Variants in TRIM71 observed in about 807,000 individuals in gnomAD.
The protein encoded by TRIM71 is E3 ubiquitin-protein ligase TRIM71.
TRIM71 carries 9 observed loss-of-function variants against 61.2 expected under a neutral mutation model. The ratio of observed to expected loss-of-function variants is 0.15; its 90% CI spans 0.09 to 0.26. The LOEUF is 0.26. Ranked by LOEUF, TRIM71 falls within the 10% of genes least tolerant of loss-of-function variation. The probability of loss-of-function intolerance (pLI) is 1.00; values close to 1 mark genes in which losing one functional copy is unlikely to be tolerated. For missense variants in TRIM71, 998 were observed against 1,238.7 expected (o/e 0.81, Z 2.92); for synonymous variants, 645 against 553.2 (o/e 1.17, Z -2.33).
At chr3:32,832,572 TC>T (rs970313317) in intron 1 of TRIM71, among the ~76,000 whole-genome samples, 14 of 152,306 alleles carry the variant, frequency 9.2e-5, no homozygotes, top group African/African-American at 3.4e-4. Context: ...ACATAGGTGT[TC>T]CCAGTTACTC....
At position 32,896,882 on chromosome 3, in the gene TRIM71, A is replaced by C. The variant is rs1307139289; in HGVS notation, c.*5071A>C. On this transcript the variant is annotated 3_prime_UTR_variant, in exon 4 of 4. Transcript: ENST00000383763. ...TAAATAACCAGCTCTGTAACTCTGT[A>C]AGTTCTTTGTGTTTCTAGCAGTCTG... The C allele has an allele frequency of 6.6e-6, 1 of 152,184 alleles. No individual in the cohort carries two copies. Among genetic ancestry groups the C allele is most frequent in the Non-Finnish European group, 1.5e-5 (1 of 68,040 alleles). The allele number at this position is 152,184 out of a possible 1,614,324, so 9.4% of individuals were successfully genotyped here.
chr3:32,896,154 GTC>G lies in TRIM71; in HGVS notation c.*4347_*4348del, dbSNP rs909081386. ...CTTAACTACAAATAAAGACCTTTAG[GTC>G]TCTTTCTCTTCAAGAGAAAAATATT... On this transcript the variant is annotated 3_prime_UTR_variant, in exon 4 of 4. Coordinates refer to ENST00000383763, the MANE Select transcript of TRIM71 (RefSeq NM_001039111.3). 1.3e-5 allele frequency: 2 copies of G among 152,066 alleles called. No homozygotes were observed. Among genetic ancestry groups the G allele is most frequent in the Non-Finnish European group, 2.9e-5 (2 of 68,026 alleles). 9.4% of individuals were successfully genotyped at this position (152,066 alleles called of 1,614,324 possible).
chr3:32,851,812 C>G (rs1485214157), intron 1 of TRIM71, among the ~76,000 whole-genome samples: 1 of 152,150 alleles, frequency 6.6e-6, no homozygotes, highest in Non-Finnish European at 1.5e-5. Context: ...TGGGGCAGTT[C>G]TACTGTGTGA....
chr3:32,883,333 A>G (rs1273008884), intron 2 of TRIM71, among the ~76,000 whole-genome samples: 3 of 152,238 alleles, frequency 2.0e-5, no homozygotes, highest in Admixed American at 6.5e-5. Flanking sequence ...ACAATTTACC[A>G]TAAACTGGAT....
chr3:32,890,593 C>T lies in TRIM71; in HGVS notation c.1389C>T (p.Pro463=). ...PQEDDRVMFT[P]PDQALYLAIK... ...AAGACGACCGAGTCATGTTCACACC[C>T]CCCGATCAGGCACTGTACCTTGCCA... Residue 463 remains proline (P), a synonymous_variant, in exon 4 of 4, where the codon CCC becomes CCT. Coordinates refer to ENST00000383763, the MANE Select transcript of TRIM71 (RefSeq NM_001039111.3). The surrounding 1 kb of genome is among the most constrained non-coding windows in gnomAD (Gnocchi z 6.2). 1 of 1,614,004 alleles carries T rather than the reference C, an allele frequency of 6.2e-7. No homozygotes were observed. The highest frequency in any genetic ancestry group is 8.5e-7 in the Non-Finnish European group (1 of 1,180,034).
intron 1 of TRIM71, among the ~76,000 whole-genome samples, chr3:32,832,903 G>A (rs1025276723): frequency 5.9e-5 from 9 of 151,966 alleles, no homozygotes; most frequent in African/African-American, 1.9e-4. Flanking sequence ...GGCTGGGCGC[G>A]GTGGCTCACG....
chr3:32,826,825 C>T (rs1420478824), intron 1 of TRIM71, among the ~76,000 whole-genome samples: 3 of 151,762 alleles, frequency 2.0e-5, no homozygotes, highest in African/African-American at 2.4e-5. Context: ...TGCAGTGGTG[C>T]GAACTCAGCT....
At chr3:32,867,179 C>T (rs1332858060) in intron 1 of TRIM71, among the ~76,000 whole-genome samples, 2 of 151,428 alleles carry the variant, frequency 1.3e-5, no homozygotes, top group East Asian at 2.0e-4. Flanking sequence ...CCACCCCCCT[C>T]CCCCTCCTCT....
chr3:32,878,427 C>A lies in TRIM71; in HGVS notation c.1020+4442C>A, dbSNP rs947194423. On this transcript the variant is annotated intron_variant, in intron 2 of 3. Coordinates refer to ENST00000383763, the MANE Select transcript of TRIM71 (RefSeq NM_001039111.3). Reference sequence around the variant, plus strand: ...GAGTTTGAGACCAGCCTGACTAACACAGAGAAACAGAAACCCCTTCTCTAC... The same window carrying A: ...GAGTTTGAGACCAGCCTGACTAACAAAGAGAAACAGAAACCCCTTCTCTAC... Among the ~76,000 whole-genome samples the A allele has an allele frequency of 2.0e-5, 3 of 152,084 alleles. No homozygotes were observed. The South Asian group carries it at 6.2e-4, about 32-fold the overall frequency.
intron 2 of TRIM71, among the ~76,000 whole-genome samples, chr3:32,874,324 T>TAC (rs1696830439): frequency 8.0e-4 from 97 of 121,568 alleles, no homozygotes; most frequent in African/African-American, 3.6e-3. Flanking sequence ...TTAATGCTTA[T>TAC]TACTACTACT....
chr3:32,861,009 T>C (rs1234596826), intron 1 of TRIM71, among the ~76,000 whole-genome samples: 1 of 151,770 alleles, frequency 6.6e-6, no homozygotes, highest in East Asian at 2.0e-4. Flanking sequence ...ACCCCATCTC[T>C]ACTGAAAATT....
At chr3:32,865,783 CG>C (rs1696726291) in intron 1 of TRIM71, among the ~76,000 whole-genome samples, 5 of 20,198 alleles carry the variant, frequency 2.5e-4, no homozygotes, top group Non-Finnish European at 3.9e-4. Context: ...TTTAATTTGC[CG>C]CCCGCCGGCC....
At chr3:32,880,978 T>C (rs1696901597) in intron 2 of TRIM71, among the ~76,000 whole-genome samples, 1 of 152,072 alleles carries the variant, frequency 6.6e-6, no homozygotes, top group Admixed American at 6.5e-5. Context: ...AGAGATGAAT[T>C]ATAGATTCAG....
At chr3:32,855,432 C>T (rs959069563) in intron 1 of TRIM71, among the ~76,000 whole-genome samples, 2 of 152,006 alleles carry the variant, frequency 1.3e-5, no homozygotes, top group African/African-American at 2.4e-5. Flanking sequence ...CCCAGCCAAA[C>T]GCTGTGGGCA....
intron 1 of TRIM71, among the ~76,000 whole-genome samples, chr3:32,832,660 G>C (rs963523261): frequency 6.6e-6 from 1 of 151,782 alleles, no homozygotes; most frequent in African/African-American, 2.4e-5. Context: ...ATTCCAGCCT[G>C]GGTTCCAAAG....
chr3:32,857,991 A>G (rs1476820213), intron 1 of TRIM71, among the ~76,000 whole-genome samples: 1 of 152,086 alleles, frequency 6.6e-6, no homozygotes, highest in Non-Finnish European at 1.5e-5. Flanking sequence ...GCGGGACACA[A>G]AAAGAAGAAG....
At chr3:32,865,143 C>T (rs201723422) in intron 1 of TRIM71, among the ~76,000 whole-genome samples, 2 of 152,030 alleles carry the variant, frequency 1.3e-5, no homozygotes, top group East Asian at 3.9e-4. Flanking sequence ...TCCTGGCTAA[C>T]ACGATGAAAC....
intron 1 of TRIM71, among the ~76,000 whole-genome samples, chr3:32,831,834 G>A (rs1368961857): frequency 7.2e-5 from 11 of 152,092 alleles, no homozygotes; most frequent in Admixed American, 3.3e-4. Context: ...CATTGCACCC[G>A]GCTGTTATCT....
At chr3:32,889,675 G>A (rs1268297803) in intron 3 of TRIM71, among the ~76,000 whole-genome samples, 2 of 151,050 alleles carry the variant, frequency 1.3e-5, no homozygotes. Flanking sequence ...TGCAACCTCC[G>A]CCTCTCGGGT....
Sources: allele counts gnomAD v4.1 joint callset (sites outside exome capture counted in the v4.1 genomes callset), GRCh38; gene constraint gnomAD v4.1.1; non-coding constraint Gnocchi (gnomAD v3.1); transcripts MANE v1.5; gene names NCBI Gene and HGNC (gene_info 2026-07-23, HGNC 2026-07-21).